The following ZKSCAN4 variants were observed in gnomAD, a reference collection of about 807,000 sequenced individuals.
ZKSCAN4 encodes the protein zinc finger with KRAB and SCAN domains 4.
In ZKSCAN4, 23 loss-of-function variants were observed where a neutral mutation model predicts 30.8. The ratio of observed to expected loss-of-function variants is 0.75; its 90% CI spans 0.54 to 1.06. The LOEUF (loss-of-function observed/expected upper bound fraction) is 1.06, where lower values mean the gene tolerates loss of function less well. ZKSCAN4 is among the 50% of genes least tolerant of loss of function. The probability of loss-of-function intolerance (pLI) is 0.00; values close to 1 mark genes in which losing one functional copy is unlikely to be tolerated. For missense variants in ZKSCAN4, 556 were observed against 665.4 expected, an observed-to-expected ratio of 0.84 and a Z score of 1.81; for synonymous variants, 208 against 252.5, an observed-to-expected ratio of 0.82 and a Z score of 1.67.
rs1391511046 is a variant in ZKSCAN4 at position 28,243,125 on chromosome 6, CATAA to C, written c.*1987_*1990del. 3.3e-5 allele frequency among the ~76,000 whole-genome samples: 5 copies of C among 152,144 alleles called. No individual in the cohort carries two copies. Among genetic ancestry groups the C allele is most frequent in the East Asian group, 3.9e-4 (2 of 5,192 alleles). Reference sequence around the variant, plus strand: ...GAAATGGCTAGCTTTGTGGAAATAACATAAATAAAGCTGATTTTAAAGAAATTTG... The same window carrying C: ...GAAATGGCTAGCTTTGTGGAAATAACATAAAGCTGATTTTAAAGAAATTTG... On this transcript the variant is annotated 3_prime_UTR_variant, in exon 5 of 5. Transcript: ENST00000377294.
chr6:28,249,904 T>C lies in ZKSCAN4; in HGVS notation c.424-70A>G. On this transcript the variant is annotated intron_variant, in intron 1 of 4. Coordinates refer to ENST00000377294, the MANE Select transcript of ZKSCAN4 (RefSeq NM_019110.5). The surrounding 1 kb of genome is among the most constrained non-coding windows in gnomAD (Gnocchi z 4.1). ...TTCCATGTGCAAGTGATTTCTATTT[T>C]CTAGGCACTGTTTCTACAAGCCTTA... The C allele has an allele frequency of 6.5e-7, 1 of 1,549,064 alleles. No homozygotes were observed. Among genetic ancestry groups the C allele is most frequent in the Non-Finnish European group, 8.9e-7 (1 of 1,128,866 alleles).
In ZKSCAN4 at chr6:28,245,629, T is replaced by C. The variant is rs1760681766; in HGVS notation, c.1125A>G (p.Pro375=). The C allele has an allele frequency of 6.2e-7, 1 of 1,613,974 alleles. No individual in the cohort carries two copies. Among genetic ancestry groups the C allele is most frequent in the Non-Finnish European group, 8.5e-7 (1 of 1,179,968 alleles). Residue 375 remains proline (P), a synonymous_variant, in exon 5 of 5, where the codon CCA becomes CCG. Coordinates refer to ENST00000377294, the MANE Select transcript of ZKSCAN4 (RefSeq NM_019110.5). ...IHQRVHTGEK[P]YECEECGKVF... ...CCTTACCACATTCTTCACACTCATATGGCTTCTCACCAGTGTGGACTCTCT... is the reference window on the plus strand; with the variant it reads ...CCTTACCACATTCTTCACACTCATACGGCTTCTCACCAGTGTGGACTCTCT...
chr6:28,247,236 C>G (rs1760778160), intron 3 of ZKSCAN4, 144 bp from the exon 4 acceptor site: 1 of 867,270 alleles, frequency 1.2e-6, no homozygotes, highest in South Asian at 2.9e-5. Context: ...CTAATAACAT[C>G]TTAATCAAGA....
rs1270885515 is a variant in ZKSCAN4, at chr6:28,249,783, A to G, written c.475T>C (p.Leu159=). The G allele has an allele frequency of 5.0e-6, 8 of 1,614,078 alleles. No individual in the cohort carries two copies. The highest frequency in any genetic ancestry group is 2.7e-5 in the African/African-American group (2 of 74,936). Residue 159 remains leucine (L), a synonymous_variant, in exon 2 of 5, where the codon TTG becomes CTG. Transcript: ENST00000377294. This position sits in a 1 kb window ranked among gnomAD's most constrained non-coding sequence, Gnocchi z 4.1. The part of the protein sequence containing the change: ...QELLCCKMAL[L]TQTQGSQSSQ... ...CTTTGAGACCCTTGAGTTTGTGTCA[A>G]TAGTGCCATCTTGCAACAGAGCAGT...
In ZKSCAN4 at chr6:28,242,998, CAA is replaced by C. The variant is rs1207408961; in HGVS notation, c.*2116_*2117del. ...ATATCTCTTCATGTAACATCAGAAA[CAA>C]ATATCACAGAAAAGTTAACAGAGTT... On this transcript the variant is annotated 3_prime_UTR_variant, in exon 5 of 5. Transcript: ENST00000377294. 6.6e-6 allele frequency among the ~76,000 whole-genome samples: 1 copy of C among 152,036 alleles called. No homozygotes were observed.
chr6:28,242,739 C>T lies in ZKSCAN4; in HGVS notation c.*2377G>A, dbSNP rs1561852683. Among the ~76,000 whole-genome samples, 1 of 150,782 alleles carries T rather than the reference C, an allele frequency of 6.6e-6. No individual in the cohort carries two copies. Among genetic ancestry groups the T allele is most frequent in the East Asian group, 2.0e-4 (1 of 5,128 alleles). ...TTACCAACCTGACTGTACTAAAGAC[C>T]TAAGCCTAAGTGTGTATACACACAC... is the stretch of plus-strand genomic sequence containing the variant. On this transcript the variant is annotated 3_prime_UTR_variant, in exon 5 of 5. Coordinates refer to ENST00000377294, the MANE Select transcript of ZKSCAN4 (RefSeq NM_019110.5).
At position 28,247,100 on chromosome 6, in the gene ZKSCAN4, A is replaced by C. The variant is rs769505417; in HGVS notation, c.655-8T>G. On this transcript the variant is annotated splice_polypyrimidine_tract_variant and splice_region_variant and intron_variant, in intron 3 of 4. Transcript: ENST00000377294. Reference sequence around the variant, plus strand: ...TTCCATTTTCAGCAAACCCTAAAACAATAGGTAGTCCTAACTAGCTCCTCT... The same window carrying C: ...TTCCATTTTCAGCAAACCCTAAAACCATAGGTAGTCCTAACTAGCTCCTCT... 4 of 1,602,220 alleles carry C rather than the reference A, an allele frequency of 2.5e-6. No individual in the cohort carries two copies. The highest frequency in any genetic ancestry group is 3.4e-6 in the Non-Finnish European group (4 of 1,174,414).
intron 2 of ZKSCAN4, 51 bp from the exon 3 acceptor site, chr6:28,248,200 C>G: frequency 6.9e-7 from 1 of 1,458,700 alleles, no homozygotes; most frequent in Non-Finnish European, 9.4e-7. Flanking sequence ...TTCAGCCTCC[C>G]CACCTTGCAA....
chr6:28,245,251 A>C lies in ZKSCAN4; in HGVS notation c.1503T>G (p.Ser501Arg). 6.2e-7 allele frequency: 1 copy of C among 1,608,844 alleles called. No individual in the cohort carries two copies. The highest frequency in any genetic ancestry group is 1.1e-5 in the South Asian group (1 of 90,508). The change falls in exon 5 of 5, where the codon AGT becomes AGG. Residue 501 changes from serine (S) to arginine (R), a missense_variant. This residue lies in a region of ZKSCAN4 where 433 missense variants were observed against 511.5 expected (regional missense o/e 0.85). Coordinates refer to ENST00000377294, the MANE Select transcript of ZKSCAN4 (RefSeq NM_019110.5). Reference protein sequence around the residue: ...ECERSFTRNRSLIEHQKIHTG... With the variant: ...ECERSFTRNRRLIEHQKIHTG... Reference sequence around the variant, plus strand: ...TGTGGATTTTCTGATGTTCAATAAGACTTCTATTCCGTGTGAAACTTCTCT... The same window carrying C: ...TGTGGATTTTCTGATGTTCAATAAGCCTTCTATTCCGTGTGAAACTTCTCT...
rs77365919 is a variant in ZKSCAN4 at position 28,242,400 on chromosome 6, A to G, written c.*2716T>C. Among the ~76,000 whole-genome samples the G allele has an allele frequency of 0.013, 1,956 of 152,342 alleles. 39 individuals carry two copies. Among genetic ancestry groups the G allele is most frequent in the African/African-American group, 0.043 (1,783 of 41,578 alleles). ...ATGATTTTATTTGATATTATATAAT[A>G]CACCAGATAAAGTTTCCTAGATAAT... On this transcript the variant is annotated 3_prime_UTR_variant, in exon 5 of 5. Transcript: ENST00000377294.
Position 28,244,420 on chromosome 6 carries a change from T to A in ZKSCAN4, c.*696A>T, listed in dbSNP as rs879133833. Among the ~76,000 whole-genome samples the A allele has an allele frequency of 2.0e-4, 30 of 152,312 alleles. No homozygotes were observed. The highest frequency in any genetic ancestry group is 1.1e-3 in the Admixed American group (17 of 15,302). ...ATGGATGGAGCAATCTCACAGTGTC[T>A]TAATGATAAAGAAGCTGTTTAAGGC... On this transcript the variant is annotated 3_prime_UTR_variant, in exon 5 of 5. Transcript: ENST00000377294.
At position 28,243,248 on chromosome 6, in the gene ZKSCAN4, A is replaced by G. The variant is rs1760563578; in HGVS notation, c.*1868T>C. ...GACTGAAAAGGAGATAATGAAGGCA[A>G]TAAAAGATTGTAGGGAATTAATAAA... On this transcript the variant is annotated 3_prime_UTR_variant, in exon 5 of 5. Transcript: ENST00000377294. 6.6e-6 allele frequency among the ~76,000 whole-genome samples: 1 copy of G among 152,272 alleles called. No individual in the cohort carries two copies. Among genetic ancestry groups the G allele is most frequent in the Non-Finnish European group, 1.5e-5 (1 of 68,042 alleles).
rs1161341306 is a variant in ZKSCAN4 at position 28,242,924 on chromosome 6, G to A, written c.*2192C>T. ...GCACAGTGGTCCTTAGTTAATCTCA[G>A]GAAGTTATATTTGTATAATGCTTTC... On this transcript the variant is annotated 3_prime_UTR_variant, in exon 5 of 5. Coordinates refer to ENST00000377294, the MANE Select transcript of ZKSCAN4 (RefSeq NM_019110.5). Among the ~76,000 whole-genome samples the A allele has an allele frequency of 6.6e-6, 1 of 152,206 alleles. No individual in the cohort carries two copies. The highest frequency in any genetic ancestry group is 1.5e-5 in the Non-Finnish European group (1 of 68,034).
chr6:28,247,944 A>T, intron 3 of ZKSCAN4, 123 bp downstream of exon 3: 2 of 589,350 alleles, frequency 3.4e-6, no homozygotes, highest in Non-Finnish European at 5.8e-6. Context: ...TAGATGAGAA[A>T]ACTCAAATTC....
intron 1 of ZKSCAN4, among the ~76,000 whole-genome samples, chr6:28,250,227 C>T (rs1760932839): frequency 6.6e-6 from 1 of 152,106 alleles, no homozygotes; most frequent in African/African-American, 2.4e-5. Flanking sequence ...GCCACCACGC[C>T]CGGCTAATGT....
chr6:28,256,326 G>A (rs553548466), upstream of ZKSCAN4, among the ~76,000 whole-genome samples: 6 of 152,198 alleles, frequency 3.9e-5, no homozygotes, highest in South Asian at 1.2e-3. Flanking sequence ...CTACTCAGGA[G>A]GCTCAAATGG....
At position 28,243,563 on chromosome 6, in the gene ZKSCAN4, T is replaced by C. The variant is rs2113668163; in HGVS notation, c.*1553A>G. 6.6e-6 allele frequency among the ~76,000 whole-genome samples: 1 copy of C among 152,314 alleles called. No individual in the cohort carries two copies. The highest frequency in any genetic ancestry group is 2.1e-4 in the South Asian group (1 of 4,828). The stretch of plus-strand genomic sequence containing the variant: ...ATTTCTTGTGAATAACTCACAGCAT[T>C]GAGCCTTGACATCACATATCAACAC... On this transcript the variant is annotated 3_prime_UTR_variant, in exon 5 of 5. Coordinates refer to ENST00000377294, the MANE Select transcript of ZKSCAN4 (RefSeq NM_019110.5).
upstream of ZKSCAN4, among the ~76,000 whole-genome samples, chr6:28,252,742 C>T (rs1221644967): frequency 6.6e-6 from 1 of 152,070 alleles, no homozygotes; most frequent in Non-Finnish European, 1.5e-5. Context: ...ACTACTCCTC[C>T]CGACCCTGAC....
chr6:28,250,826 G>A (rs987146242), intron 1 of ZKSCAN4, among the ~76,000 whole-genome samples: 1 of 152,230 alleles, frequency 6.6e-6, no homozygotes, highest in African/African-American at 2.4e-5. Flanking sequence ...GGGCTTGCGT[G>A]CAATAGACCT....
Sources: allele counts gnomAD v4.1 joint callset (sites outside exome capture counted in the v4.1 genomes callset), GRCh38; gene constraint gnomAD v4.1.1; regional missense constraint gnomAD v4.1.1; non-coding constraint Gnocchi (gnomAD v3.1); transcripts MANE v1.5; gene names NCBI Gene and HGNC (gene_info 2026-07-23, HGNC 2026-07-21).